EYS: variants seen among roughly 807,000 people sequenced by gnomAD.
EYS encodes the protein protein eyes shut homolog.
EYS carries 250 observed loss-of-function variants against 282.1 expected under a neutral mutation model. The ratio of observed to expected loss-of-function variants is 0.89; its 90% confidence interval spans 0.80 to 0.98. The LOEUF (loss-of-function observed/expected upper bound fraction) is 0.98, where lower values mean the gene tolerates loss of function less well. EYS is among the 50% of genes least tolerant of loss of function. The pLI is 0.00. For synonymous variants in EYS, 1,355 were observed against 1,282.9 expected (o/e 1.06, Z -1.20); for missense variants, 4,016 against 3,709.0 (o/e 1.08, Z -2.15).
At chr6:63,999,850 A>G (rs1241982710) in intron 33 of EYS, among the ~76,000 whole-genome samples, 1 of 152,208 alleles carries the variant, frequency 6.6e-6, no homozygotes, top group Non-Finnish European at 1.5e-5. Context: ...TACATATACT[A>G]AGGTACTTGG....
intron 9 of EYS, among the ~76,000 whole-genome samples, chr6:65,346,796 C>T (rs1208956147): frequency 6.6e-6 from 1 of 151,694 alleles, no homozygotes; most frequent in African/African-American, 2.4e-5. Context: ...AATTTCAGAA[C>T]ACTGAGCAAA....
At chr6:65,124,084 G>A (rs1008317114) in intron 12 of EYS, among the ~76,000 whole-genome samples, 4 of 151,928 alleles carry the variant, frequency 2.6e-5, no homozygotes, top group African/African-American at 4.8e-5. Flanking sequence ...TGAGGTAGGC[G>A]GATCCCTTGA....
intron 41 of EYS, among the ~76,000 whole-genome samples, chr6:63,751,086 A>G (rs887921586): frequency 6.6e-6 from 1 of 152,152 alleles, no homozygotes; most frequent in Non-Finnish European, 1.5e-5. Context: ...TTGCTACCAA[A>G]TCATCCTGTT....
At chr6:65,606,007 A>G (rs1036314867) in intron 2 of EYS, among the ~76,000 whole-genome samples, 5 of 151,670 alleles carry the variant, frequency 3.3e-5, no homozygotes, top group Non-Finnish European at 5.9e-5. Flanking sequence ...AACTTGAGGA[A>G]ATATTTCACA....
rs558263112 is a variant in EYS at position 64,391,538 on chromosome 6, G to A, written c.5928-2698C>T. 4.7e-3 allele frequency among the ~76,000 whole-genome samples: 719 copies of A among 151,944 alleles called. 3 individuals carry two copies. The highest frequency in any genetic ancestry group is 0.015 in the African/African-American group (629 of 41,388). ...TCCAGCCAAACTAAGCTTCATAAGCGAAGGAGAAATAAAATACTTTACAGT... is the reference window on the plus strand; with the variant it reads ...TCCAGCCAAACTAAGCTTCATAAGCAAAGGAGAAATAAAATACTTTACAGT... On this transcript the variant is annotated intron_variant, in intron 28 of 42. Transcript: ENST00000503581.
chr6:64,974,799 A>G (rs1407806868), intron 14 of EYS, among the ~76,000 whole-genome samples: 4 of 151,846 alleles, frequency 2.6e-5, no homozygotes, highest in African/African-American at 9.7e-5. Flanking sequence ...TTTCACGTTT[A>G]TGTGCTTAAA....
Position 64,876,179 on chromosome 6 carries a change from T to A in EYS, c.2992+10518A>T, listed in dbSNP as rs192727150. Among the ~76,000 whole-genome samples the A allele has an allele frequency of 2.0e-3, 306 of 152,198 alleles. 2 individuals are homozygous for A. The highest frequency in any genetic ancestry group is 2.5e-3 in the South Asian group (12 of 4,828). On this transcript the variant is annotated intron_variant, in intron 19 of 42. Transcript: ENST00000503581. ...ATCTGAATTTAAAATTAATGTTATA[T>A]ACTCACATATATTGTATTTTAATTT...
intron 31 of EYS, among the ~76,000 whole-genome samples, chr6:64,136,506 C>G (rs1398958603): frequency 1.3e-5 from 2 of 152,024 alleles, no homozygotes; most frequent in East Asian, 3.8e-4. Context: ...CAGCTATAAC[C>G]TTACAAAATG....
chr6:64,999,404 CTG>C (rs1429604849), intron 13 of EYS, among the ~76,000 whole-genome samples: 2 of 152,138 alleles, frequency 1.3e-5, no homozygotes, highest in Non-Finnish European at 2.9e-5. Flanking sequence ...AATCTAGTCA[CTG>C]TGATATGGAA....
At chr6:65,585,868 C>T (rs935871026) in intron 2 of EYS, among the ~76,000 whole-genome samples, 2 of 151,890 alleles carry the variant, frequency 1.3e-5, no homozygotes, top group Non-Finnish European at 2.9e-5. Context: ...GGTTTAGTAA[C>T]TACTCAATAT....
rs145942582 is a variant in EYS, at chr6:65,226,377, A to T, written c.2023+69486T>A. 2.2e-3 allele frequency among the ~76,000 whole-genome samples: 338 copies of T among 152,318 alleles called. 4 individuals are homozygous for T. The highest frequency in any genetic ancestry group is 7.4e-3 in the African/African-American group (309 of 41,580). On this transcript the variant is annotated intron_variant, in intron 12 of 42. Transcript: ENST00000503581. The stretch of plus-strand genomic sequence containing the variant: ...TGCAGAATATTACTGAAAAAAAATT[A>T]AAAAACTAAATAAATGAAAATACAT...
chr6:64,544,421 G>A (rs1481329977), intron 26 of EYS, among the ~76,000 whole-genome samples: 1 of 152,036 alleles, frequency 6.6e-6, no homozygotes, highest in Non-Finnish European at 1.5e-5. Flanking sequence ...TACATATTAG[G>A]AACTGCAGGA....
intron 14 of EYS, among the ~76,000 whole-genome samples, chr6:64,969,310 C>G (rs1770209777): frequency 6.6e-6 from 1 of 152,126 alleles, no homozygotes; most frequent in South Asian, 2.1e-4. Context: ...TAGCTGGGGA[C>G]TGGATCAGGA....
At chr6:65,029,885 C>T (rs910699491) in intron 13 of EYS, among the ~76,000 whole-genome samples, 2 of 152,158 alleles carry the variant, frequency 1.3e-5, no homozygotes, top group African/African-American at 2.4e-5. Flanking sequence ...GGGACGCATT[C>T]CTGGTGCCAG....
chr6:64,923,939 C>T (rs1284027201), intron 15 of EYS, among the ~76,000 whole-genome samples: 2 of 152,284 alleles, frequency 1.3e-5, no homozygotes, highest in East Asian at 1.9e-4. Flanking sequence ...ATGGTGCAAG[C>T]TGTCAGAGGA....
chr6:65,217,430 CAA>C (rs929616847), intron 12 of EYS, among the ~76,000 whole-genome samples: 4 of 151,534 alleles, frequency 2.6e-5, no homozygotes, highest in Admixed American at 6.6e-5. Context: ...AGGTATTAAA[CAA>C]TGAGAAATTT....
chr6:64,660,809 A>T (rs1330097718), intron 22 of EYS, among the ~76,000 whole-genome samples: 4 of 152,146 alleles, frequency 2.6e-5, no homozygotes, highest in Non-Finnish European at 5.9e-5. Flanking sequence ...ATGGCCATAC[A>T]GCCCAAGGTA....
At chr6:63,745,055 A>G (rs1228362902) in intron 41 of EYS, 2 of 420,582 alleles carry the variant, frequency 4.8e-6, no homozygotes, top group Non-Finnish European at 9.2e-6. Context: ...ATGCCAAAAA[A>G]GGTGAAAAAA....
intron 41 of EYS, among the ~76,000 whole-genome samples, chr6:63,733,594 C>CT (rs372398051): frequency 3.3e-5 from 5 of 152,152 alleles, no homozygotes; most frequent in African/African-American, 1.2e-4. Flanking sequence ...CCAGCTGTAT[C>CT]TATGTGCTTG....
Sources: gnomAD v4.1 joint callset for allele counts (sites outside exome capture counted in the v4.1 genomes callset) on GRCh38, gnomAD v4.1.1 for gene constraint, MANE v1.5 for transcripts, NCBI Gene and HGNC (gene_info 2026-07-23, HGNC 2026-07-21) for gene names.